The following CCDC141 variants were observed in gnomAD, a reference collection of about 807,000 sequenced individuals.
CCDC141 encodes the protein coiled-coil domain-containing protein 141.
In CCDC141, 168 loss-of-function variants were observed where a neutral mutation model predicts 181.0. The observed-to-expected ratio is 0.93, with a 90% CI of 0.82 to 1.05. The LOEUF is 1.05. Ranked by LOEUF, CCDC141 falls within the 50% of genes least tolerant of loss-of-function variation. CCDC141 has a pLI of 0.00. For synonymous variants in CCDC141, 666 were observed against 642.3 expected (o/e 1.04, Z -0.56); for missense variants, 1,902 against 1,788.5 (o/e 1.06, Z -1.14).
intron 2 of CCDC141, among the ~76,000 whole-genome samples, chr2:179,040,291 G>A (rs16866619): frequency 0.038 from 5,829 of 152,162 alleles, 355 homozygotes; most frequent in East Asian, 0.15. Context: ...TAGCCTGAAG[G>A]GCATCAAAGA....
intron 4 of CCDC141, among the ~76,000 whole-genome samples, chr2:178,969,406 C>T (rs1475678402): frequency 2.0e-5 from 3 of 152,128 alleles, no homozygotes; most frequent in Admixed American, 6.5e-5. Context: ...TCCAGCAGCA[C>T]ATCAAAAAGC....
chr2:178,895,120 T>C (rs1687345397), intron 8 of CCDC141, among the ~76,000 whole-genome samples: 1 of 152,198 alleles, frequency 6.6e-6, no homozygotes, highest in African/African-American at 2.4e-5. Flanking sequence ...TGTCTTAAAA[T>C]ATTCTTCAAA....
chr2:179,039,072 C>T (rs1202146492), intron 2 of CCDC141, among the ~76,000 whole-genome samples: 1 of 152,184 alleles, frequency 6.6e-6, no homozygotes, highest in Non-Finnish European at 1.5e-5. Context: ...TGGAATCCTT[C>T]TTTTTCATTA....
chr2:178,994,913 A>T (rs1692215043), intron 2 of CCDC141, among the ~76,000 whole-genome samples: 1 of 152,206 alleles, frequency 6.6e-6, no homozygotes, highest in African/African-American at 2.4e-5. Context: ...CCAGTTCCCA[A>T]CAAGTTCCTC....
intron 5 of CCDC141, among the ~76,000 whole-genome samples, chr2:178,949,111 T>G (rs1269590793): frequency 1.3e-5 from 2 of 152,084 alleles, no homozygotes; most frequent in African/African-American, 4.8e-5. Context: ...ATGCGGAAAG[T>G]TGATACAGGG....
In CCDC141 at chr2:178,834,232, T is replaced by A; in HGVS notation, c.4534A>T (p.Ile1512Leu). ...CRLPITRVNW[I>L]TLCVVYVSVS... ...CTAACATAGACGACACACAGGGTTATCCAGTTTACTCTTGTGATTGGCAGC... is the reference window on the plus strand; with the variant it reads ...CTAACATAGACGACACACAGGGTTAACCAGTTTACTCTTGTGATTGGCAGC... The change falls in exon 24 of 24, where the codon ATA (isoleucine) becomes TTA (leucine). Residue 1512 changes from isoleucine to leucine, a missense_variant. Coordinates refer to ENST00000443758, the MANE Select transcript of CCDC141 (RefSeq NM_173648.4). The A allele has an allele frequency of 6.5e-7, 1 of 1,536,266 alleles. No individual in the cohort carries two copies. Among genetic ancestry groups the A allele is most frequent in the Non-Finnish European group, 8.7e-7 (1 of 1,146,862 alleles).
intron 21 of CCDC141, 105 bp downstream of exon 21, chr2:178,849,944 T>A: frequency 1.5e-6 from 1 of 647,728 alleles, no homozygotes; most frequent in Non-Finnish European, 2.7e-6. Context: ...GCACATTATG[T>A]ACCCTGAGAA....
At chr2:178,851,341 T>TC (rs752637153) in intron 20 of CCDC141, among the ~76,000 whole-genome samples, 1 of 151,982 alleles carries the variant, frequency 6.6e-6, no homozygotes, top group Non-Finnish European at 1.5e-5. Flanking sequence ...CTGAACTATG[T>TC]CCCCCCATCC....
intron 6 of CCDC141, among the ~76,000 whole-genome samples, chr2:178,927,288 A>C (rs1688942845): frequency 6.6e-6 from 1 of 152,190 alleles, no homozygotes; most frequent in Non-Finnish European, 1.5e-5. Flanking sequence ...TGAATGTGGA[A>C]CCATCTAAAA....
chr2:178,967,164 G>A (rs564909085), intron 4 of CCDC141, among the ~76,000 whole-genome samples: 12 of 152,290 alleles, frequency 7.9e-5, no homozygotes, highest in African/African-American at 2.6e-4. Flanking sequence ...ATGGAACCAA[G>A]TTGGAAAACA....
intron 2 of CCDC141, among the ~76,000 whole-genome samples, chr2:179,039,290 C>T (rs779309085): frequency 9.2e-5 from 14 of 151,996 alleles, no homozygotes; most frequent in South Asian, 4.1e-4. Flanking sequence ...TCTCAGTTTT[C>T]GGAATTTTTT....
intron 11 of CCDC141, among the ~76,000 whole-genome samples, chr2:178,881,816 C>T (rs775963426): frequency 2.0e-5 from 3 of 149,836 alleles, no homozygotes; most frequent in Non-Finnish European, 4.5e-5. Context: ...ATCACCTGAG[C>T]CTGGGGAAGT....
At chr2:178,838,577 G>A (rs1684588755) in intron 22 of CCDC141, among the ~76,000 whole-genome samples, 1 of 152,176 alleles carries the variant, frequency 6.6e-6, no homozygotes, top group South Asian at 2.1e-4. Context: ...AGCACCTACT[G>A]CTATACACTA....
Position 178,853,434 on chromosome 2 carries a change from A to T in CCDC141, c.3244+7T>A. On this transcript the variant is annotated splice_region_variant and intron_variant, in intron 20 of 23. Coordinates refer to ENST00000443758, the MANE Select transcript of CCDC141 (RefSeq NM_173648.4). The stretch of plus-strand genomic sequence containing the variant: ...CCAATCACTGGATATCTTAAAAGAG[A>T]TCTCACCATATAAGTGCTGAGCAAG... 1 of 1,612,646 alleles carries T rather than the reference A, an allele frequency of 6.2e-7. No homozygotes were observed. The highest frequency in any genetic ancestry group is 1.1e-5 in the South Asian group (1 of 90,998).
At chr2:179,037,889 A>G (rs941409264) in intron 2 of CCDC141, among the ~76,000 whole-genome samples, 8 of 152,250 alleles carry the variant, frequency 5.3e-5, no homozygotes, top group Admixed American at 5.2e-4. Flanking sequence ...GACCAATCGG[A>G]ACACATATAA....
chr2:179,046,528 T>C (rs1336563825), intron 2 of CCDC141, among the ~76,000 whole-genome samples: 2 of 152,238 alleles, frequency 1.3e-5, no homozygotes, highest in Non-Finnish European at 2.9e-5. Flanking sequence ...AAAACCCATG[T>C]CCTTTGCACT....
intron 2 of CCDC141, among the ~76,000 whole-genome samples, chr2:179,040,552 A>T (rs2043268458): frequency 6.6e-6 from 1 of 152,128 alleles, no homozygotes; most frequent in Admixed American, 6.5e-5. Context: ...ACCCTCTGAC[A>T]GGCACCAGTG....
At position 178,961,313 on chromosome 2, in the gene CCDC141, G is replaced by C; in HGVS notation, c.697C>G (p.Gln233Glu). 5 of 1,550,528 alleles carry C rather than the reference G, an allele frequency of 3.2e-6. No individual in the cohort carries two copies. Among genetic ancestry groups the C allele is most frequent in the Non-Finnish European group, 4.4e-6 (5 of 1,146,938 alleles). The stretch of plus-strand genomic sequence containing the variant: ...TGTTGCTTCAAGTACTTGTCTAGTT[G>C]TCTTCTCCTGTCTTGTAGAAGTTCA... ...LLELLQDRRR[Q>E]LDKYLKQQWQ... Residue 233 changes from glutamine (Q) to glutamate (E), a missense_variant, in exon 5 of 24, where the codon CAA (glutamine) becomes GAA (glutamate). Gln to Glu is a conservative substitution (Grantham distance 29). Coordinates refer to ENST00000443758, the MANE Select transcript of CCDC141 (RefSeq NM_173648.4).
chr2:179,015,067 G>GATATAT (rs1177070237), intron 2 of CCDC141, among the ~76,000 whole-genome samples: 526 of 39,424 alleles, frequency 0.013, 7 homozygotes, highest in Non-Finnish European at 0.017. Flanking sequence ...GAGAGACAGA[G>GATATAT]ATATATATAT....
Sources: allele counts gnomAD v4.1 joint callset (sites outside exome capture counted in the v4.1 genomes callset), GRCh38; gene constraint gnomAD v4.1.1; transcripts MANE v1.5; gene names NCBI Gene and HGNC (gene_info 2026-07-23, HGNC 2026-07-21).